Variants in PDZD2 observed in about 807,000 individuals in gnomAD.
The protein encoded by PDZD2 is PDZ domain containing 2, also known as PDZ domain-containing protein 2.
In PDZD2, 90 loss-of-function variants were observed where a neutral mutation model predicts 220.7. The ratio of observed to expected loss-of-function variants is 0.41; its 90% CI spans 0.34 to 0.49. The LOEUF (loss-of-function observed/expected upper bound fraction) is 0.49. Ranked by LOEUF, PDZD2 falls within the 20% of genes least tolerant of loss-of-function variation. The probability of loss-of-function intolerance (pLI) is 0.28; values close to 1 mark genes in which losing one functional copy is unlikely to be tolerated. For synonymous variants in PDZD2, 1,375 were observed against 1,450.5 expected (o/e 0.95, Z 1.18); for missense variants, 3,174 against 3,608.5 (o/e 0.88, Z 3.08).
intron 2 of PDZD2, among the ~76,000 whole-genome samples, chr5:31,850,247 CACACACACACACA>C: frequency 1.2e-5 from 1 of 83,600 alleles, no homozygotes; most frequent in Non-Finnish European, 2.5e-5. Context: ...TATATATACA[CACACACACACACA>C]CATATATATA....
At chr5:31,895,700 G>A (rs538766288) in intron 2 of PDZD2, among the ~76,000 whole-genome samples, 1 of 152,070 alleles carries the variant, frequency 6.6e-6, no homozygotes, top group African/African-American at 2.4e-5. Flanking sequence ...CCCCTTCCTC[G>A]TTTTTTCACT....
rs115679019 is a variant in PDZD2 at position 31,750,872 on chromosome 5, G to A, written c.-360-48017G>A. On this transcript the variant is annotated intron_variant, in intron 1 of 24. Transcript: ENST00000438447. The stretch of plus-strand genomic sequence containing the variant: ...AAGAAGTAGTCAGGGGTAATGTTAC[G>A]CAGCACTTTGAAAGCCACGGTGAAG... 5.4e-3 allele frequency among the ~76,000 whole-genome samples: 827 copies of A among 152,252 alleles called. 10 individuals carry two copies. The highest frequency in any genetic ancestry group is 0.019 in the African/African-American group (784 of 41,552).
intron 2 of PDZD2, among the ~76,000 whole-genome samples, chr5:31,859,598 TCTCTA>T (rs1325024838): frequency 6.6e-6 from 1 of 152,200 alleles, no homozygotes; most frequent in Non-Finnish European, 1.5e-5. Flanking sequence ...TTGAAGCATT[TCTCTA>T]CTCCCTGCAC....
At chr5:31,658,578 A>G (rs1215818697) in intron 1 of PDZD2, among the ~76,000 whole-genome samples, 1 of 151,550 alleles carries the variant, frequency 6.6e-6, no homozygotes, top group Admixed American at 6.6e-5. Flanking sequence ...TTATATCCTT[A>G]ACAACCCCAT....
chr5:31,826,535 C>T (rs2150262449), intron 2 of PDZD2, among the ~76,000 whole-genome samples: 1 of 151,908 alleles, frequency 6.6e-6, no homozygotes, highest in African/African-American at 2.4e-5. Flanking sequence ...AATTAGCCAG[C>T]TGTGGTGGCA....
At chr5:31,711,830 C>T (rs150638455) in intron 1 of PDZD2, among the ~76,000 whole-genome samples, 1 of 152,216 alleles carries the variant, frequency 6.6e-6, no homozygotes, top group East Asian at 1.9e-4. Flanking sequence ...AAATCTGAAC[C>T]AGTCACTGGC....
intron 6 of PDZD2, among the ~76,000 whole-genome samples, chr5:32,014,851 G>A (rs891419806): frequency 4.0e-5 from 6 of 150,898 alleles, no homozygotes; most frequent in Non-Finnish European, 5.9e-5. Flanking sequence ...GGGGACTATA[G>A]GCATGTGCCA....
intron 2 of PDZD2, among the ~76,000 whole-genome samples, chr5:31,974,526 C>T (rs1224056811): frequency 6.6e-6 from 1 of 152,194 alleles, no homozygotes. Context: ...TCCCATTATA[C>T]ATCGAGAACT....
chr5:31,725,289 G>A (rs1206116224), intron 1 of PDZD2, among the ~76,000 whole-genome samples: 2 of 135,720 alleles, frequency 1.5e-5, no homozygotes, highest in African/African-American at 5.6e-5. Flanking sequence ...GGTGAGCCAA[G>A]ATCATGCCAT....
At position 31,639,650 on chromosome 5, in the gene PDZD2, G is replaced by C. The variant is rs1744864015; in HGVS notation, c.-361+213G>C. ...ACTCCTCTAGCATCCGGCCGGGGAC[G>C]GGGAGGGCGCAGCCCAGGGGAGGGG... On this transcript the variant is annotated intron_variant, in intron 1 of 24. Coordinates refer to ENST00000438447, the MANE Select transcript of PDZD2 (RefSeq NM_178140.4). This position sits in a 1 kb window ranked among gnomAD's most constrained non-coding sequence, Gnocchi z 4.1. Among the ~76,000 whole-genome samples the C allele has an allele frequency of 1.3e-5, 2 of 152,222 alleles. No individual in the cohort carries two copies. Among genetic ancestry groups the C allele is most frequent in the Admixed American group, 1.3e-4 (2 of 15,292 alleles).
chr5:31,722,635 A>G (rs374885329), intron 1 of PDZD2, among the ~76,000 whole-genome samples: 1 of 151,714 alleles, frequency 6.6e-6, no homozygotes, highest in African/African-American at 2.4e-5. Flanking sequence ...TAACCCCACA[A>G]CTTTCCTCTT....
chr5:32,006,567 A>C (rs1434558429), intron 5 of PDZD2, among the ~76,000 whole-genome samples: 2 of 150,958 alleles, frequency 1.3e-5, no homozygotes, highest in Admixed American at 1.3e-4. Context: ...TGTAGAGGCA[A>C]TCTCTCTCTG....
At chr5:31,939,019 A>T (rs1268458916) in intron 2 of PDZD2, among the ~76,000 whole-genome samples, 1 of 152,124 alleles carries the variant, frequency 6.6e-6, no homozygotes, top group Non-Finnish European at 1.5e-5. Context: ...CTTTCCTCCT[A>T]TATTTGGAAA....
At chr5:31,907,224 A>G (rs1353801431) in intron 2 of PDZD2, among the ~76,000 whole-genome samples, 2 of 152,224 alleles carry the variant, frequency 1.3e-5, no homozygotes, top group African/African-American at 2.4e-5. Flanking sequence ...GGAGGCTGGA[A>G]AGACGAAAGT....
chr5:31,831,911 C>CAAAAAAAA (rs56394577), intron 2 of PDZD2, among the ~76,000 whole-genome samples: 8 of 63,672 alleles, frequency 1.3e-4, no homozygotes, highest in East Asian at 6.2e-4. Flanking sequence ...GAGACTGTTT[C>CAAAAAAAA]AAAAAAAAAA....
chr5:31,994,121 G>A (rs551177394), intron 3 of PDZD2, among the ~76,000 whole-genome samples: 2 of 151,978 alleles, frequency 1.3e-5, no homozygotes, highest in South Asian at 2.1e-4. Context: ...GGGTTCAAGC[G>A]ATTCTCCTGC....
intron 1 of PDZD2, among the ~76,000 whole-genome samples, chr5:31,753,512 A>G (rs1751132336): frequency 6.6e-6 from 1 of 152,194 alleles, no homozygotes; most frequent in Non-Finnish European, 1.5e-5. Flanking sequence ...AGGCACAAGA[A>G]TTGCTTGAAT....
intron 1 of PDZD2, among the ~76,000 whole-genome samples, chr5:31,707,564 TG>T (rs1747889015): frequency 6.6e-6 from 1 of 152,196 alleles, no homozygotes; most frequent in Admixed American, 6.5e-5. Flanking sequence ...TATTTCATTA[TG>T]GCTAATATGA....
At chr5:31,825,115 G>A (rs563543187) in intron 2 of PDZD2, among the ~76,000 whole-genome samples, 18 of 152,262 alleles carry the variant, frequency 1.2e-4, no homozygotes, top group African/African-American at 4.3e-4. Context: ...ACTAAACCCA[G>A]CCATTAGACT....
Sources: allele counts gnomAD v4.1 joint callset (sites outside exome capture counted in the v4.1 genomes callset), GRCh38; gene constraint gnomAD v4.1.1; non-coding constraint Gnocchi (gnomAD v3.1); transcripts MANE v1.5; gene names NCBI Gene and HGNC (gene_info 2026-07-23, HGNC 2026-07-21).